The following SSBP2 variants were observed in gnomAD, a reference collection of about 807,000 sequenced individuals.
The protein encoded by SSBP2 is single stranded DNA binding protein 2.
In SSBP2, 17 loss-of-function variants were observed where a neutral mutation model predicts 61.8. That is an observed-to-expected ratio of 0.28 (90% confidence interval 0.19 to 0.41). The LOEUF (loss-of-function observed/expected upper bound fraction) is 0.41, where lower values mean the gene tolerates loss of function less well. Among genes scored for constraint, SSBP2 ranks in the 10% least tolerant of loss-of-function variants. The probability of loss-of-function intolerance (pLI) is 1.00; values close to 1 mark genes in which losing one functional copy is unlikely to be tolerated. For synonymous variants in SSBP2, 139 were observed against 141.3 expected (o/e 0.98, Z 0.12); for missense variants, 310 against 458.7 (o/e 0.68, Z 2.96).
chr5:81,448,108 T>G (rs1039502043), intron 11 of SSBP2: 2 of 152,204 alleles, frequency 1.3e-5, no homozygotes, highest in African/African-American at 4.8e-5. Context: ...CTTGTTTCTC[T>G]GTTAGGTGTT....
chr5:81,579,241 T>A (rs1370928682), intron 4 of SSBP2, among the ~76,000 whole-genome samples: 1 of 152,074 alleles, frequency 6.6e-6, no homozygotes, highest in Non-Finnish European at 1.5e-5. Flanking sequence ...TTATTGTTTT[T>A]TTTCATAAAG....
chr5:81,729,974 C>G (rs1756145590), intron 1 of SSBP2, among the ~76,000 whole-genome samples: 1 of 151,892 alleles, frequency 6.6e-6, no homozygotes, highest in Non-Finnish European at 1.5e-5. Context: ...AGGATTGACC[C>G]TTAATTATTA....
At chr5:81,502,280 TCTC>T (rs1258816431) in intron 5 of SSBP2, among the ~76,000 whole-genome samples, 1 of 152,166 alleles carries the variant, frequency 6.6e-6, no homozygotes, top group Non-Finnish European at 1.5e-5. Context: ...TGATCATTCT[TCTC>T]CTCCTCAAAG....
chr5:81,675,256 T>C (rs1024138425), intron 1 of SSBP2, among the ~76,000 whole-genome samples: 22 of 152,276 alleles, frequency 1.4e-4, no homozygotes, highest in Middle Eastern at 3.4e-3. Context: ...GCTAGACACA[T>C]TGTTCCCCAG....
intron 3 of SSBP2, among the ~76,000 whole-genome samples, chr5:81,628,267 A>G (rs559455158): frequency 6.6e-6 from 1 of 152,286 alleles, no homozygotes; most frequent in East Asian, 1.9e-4. Context: ...AGCCCCTTAC[A>G]AAACCACCAG....
chr5:81,648,896 C>G (rs1749496208), intron 2 of SSBP2, among the ~76,000 whole-genome samples: 1 of 151,704 alleles, frequency 6.6e-6, no homozygotes, highest in Non-Finnish European at 1.5e-5. Context: ...AAAATATTAT[C>G]ACTTCAATGT....
At chr5:81,572,242 T>C (rs1453805349) in intron 4 of SSBP2, among the ~76,000 whole-genome samples, 1 of 152,186 alleles carries the variant, frequency 6.6e-6, no homozygotes, top group Non-Finnish European at 1.5e-5. Context: ...AAGAATGTTT[T>C]GAGTTTATAG....
At chr5:81,657,023 T>G (rs1030392007) in intron 1 of SSBP2, among the ~76,000 whole-genome samples, 1 of 152,160 alleles carries the variant, frequency 6.6e-6, no homozygotes, top group Admixed American at 6.6e-5. Context: ...ATGGAATCAT[T>G]TGAGTTCAAA....
At chr5:81,585,885 A>G (rs1775023955) in intron 4 of SSBP2, among the ~76,000 whole-genome samples, 1 of 152,078 alleles carries the variant, frequency 6.6e-6, no homozygotes, top group African/African-American at 2.4e-5. Flanking sequence ...TAGATATGAG[A>G]TCATGTGGTA....
intron 4 of SSBP2, among the ~76,000 whole-genome samples, chr5:81,583,412 A>G (rs200929763): frequency 1.4e-4 from 22 of 152,064 alleles, no homozygotes; most frequent in East Asian, 9.7e-4. Context: ...GGCAGATCAC[A>G]AGGTCAGGAG....
intron 1 of SSBP2, among the ~76,000 whole-genome samples, chr5:81,712,607 CAAA>C (rs554036646): frequency 1.3e-4 from 1 of 7,528 alleles, no homozygotes; most frequent in Non-Finnish European, 2.3e-4. Flanking sequence ...GACTCCGTCT[CAAA>C]AAAAAAAAAA....
chr5:81,502,863 A>C (rs1767900038), intron 5 of SSBP2, among the ~76,000 whole-genome samples: 1 of 152,198 alleles, frequency 6.6e-6, no homozygotes, highest in Non-Finnish European at 1.5e-5. Context: ...GAAACTATCA[A>C]AAGAGTAAAC....
intron 12 of SSBP2, among the ~76,000 whole-genome samples, chr5:81,444,544 C>T (rs1763248601): frequency 6.6e-6 from 1 of 152,150 alleles, no homozygotes; most frequent in African/African-American, 2.4e-5. Flanking sequence ...AAGGAAAGGA[C>T]CGTGTCTTAC....
rs1469979874 is a variant in SSBP2, at chr5:81,416,769, T to A, written c.*3735A>T. 6.6e-6 allele frequency: 1 copy of A among 152,110 alleles called. No homozygotes were observed. Among genetic ancestry groups the A allele is most frequent in the African/African-American group, 2.4e-5 (1 of 41,420 alleles). The allele number at this position is 152,110 out of a possible 1,614,324, so 9.4% of individuals were successfully genotyped here. A position where few individuals can be genotyped will look rare whatever the true frequency, so the allele number is the denominator to read the frequency against. On this transcript the variant is annotated 3_prime_UTR_variant, in exon 17 of 17. Coordinates refer to ENST00000320672, the MANE Select transcript of SSBP2 (RefSeq NM_012446.5). ...GAATCATAAAAATAGAAATGGAAGTTTTATTTTATTCTGGAGGGAAAGGGC... is the reference window on the plus strand; with the variant it reads ...GAATCATAAAAATAGAAATGGAAGTATTATTTTATTCTGGAGGGAAAGGGC...
intron 4 of SSBP2, among the ~76,000 whole-genome samples, chr5:81,540,468 T>C (rs975626335): frequency 5.9e-5 from 9 of 152,264 alleles, no homozygotes; most frequent in Non-Finnish European, 1.3e-4. Flanking sequence ...CACTGTGGTT[T>C]TGATTTGCAT....
At chr5:81,749,904 T>TC (rs1266147783) in intron 1 of SSBP2, among the ~76,000 whole-genome samples, 1 of 152,028 alleles carries the variant, frequency 6.6e-6, no homozygotes, top group Non-Finnish European at 1.5e-5. Context: ...AGCGGCTCCT[T>TC]CCCACCTGAA....
chr5:81,745,151 C>T (rs960605746), intron 1 of SSBP2, among the ~76,000 whole-genome samples: 2 of 152,068 alleles, frequency 1.3e-5, no homozygotes, highest in African/African-American at 4.8e-5. Context: ...CATATTTCCA[C>T]TTGTTTTTTA....
chr5:81,462,464 A>AT (rs1339398089), intron 9 of SSBP2, among the ~76,000 whole-genome samples: 1 of 152,140 alleles, frequency 6.6e-6, no homozygotes, highest in Non-Finnish European at 1.5e-5. Context: ...CCCAAGTGGA[A>AT]TTTTTTCCCA....
At chr5:81,435,795 T>G (rs1295682977) in intron 15 of SSBP2, among the ~76,000 whole-genome samples, 1 of 152,190 alleles carries the variant, frequency 6.6e-6, no homozygotes. Flanking sequence ...TTTCTGTAAT[T>G]AAGAATCCAT....
Sources: gnomAD v4.1 joint callset for allele counts (sites outside exome capture counted in the v4.1 genomes callset) on GRCh38, gnomAD v4.1.1 for gene constraint, MANE v1.5 for transcripts, NCBI Gene and HGNC (gene_info 2026-07-23, HGNC 2026-07-21) for gene names.